The following PAK5 variants were observed in gnomAD, a reference collection of about 807,000 sequenced individuals.
The protein encoded by PAK5 is serine/threonine-protein kinase PAK 5.
Under a neutral mutation model 65.9 loss-of-function variants are expected in PAK5, and 16 were observed. That is an observed-to-expected ratio of 0.24 (90% CI 0.16 to 0.37). The LOEUF (loss-of-function observed/expected upper bound fraction) is 0.37. Among genes scored for constraint, PAK5 ranks in the 10% least tolerant of loss-of-function variants. The probability of loss-of-function intolerance (pLI) is 1.00; values close to 1 mark genes in which losing one functional copy is unlikely to be tolerated. For missense variants in PAK5, 785 were observed against 903.9 expected, an observed-to-expected ratio of 0.87 and a Z score of 1.69; for synonymous variants, 371 against 354.9, an observed-to-expected ratio of 1.05 and a Z score of -0.51.
At chr20:9,590,731 C>G (rs6039515) in intron 3 of PAK5, among the ~76,000 whole-genome samples, 72,385 of 152,028 alleles carry the variant, frequency 0.48, 20,567 homozygotes, top group African/African-American at 0.81. Flanking sequence ...GCAGTTCTGT[C>G]ACAGAGGAGG....
chr20:9,598,218 T>C (rs112914418), intron 3 of PAK5, among the ~76,000 whole-genome samples: 1 of 152,228 alleles, frequency 6.6e-6, no homozygotes, highest in African/African-American at 2.4e-5. Flanking sequence ...TGTTTCGTTT[T>C]GTGTTCCTGT....
At chr20:9,571,326 A>G (rs1017445028) in intron 4 of PAK5, among the ~76,000 whole-genome samples, 3 of 152,214 alleles carry the variant, frequency 2.0e-5, no homozygotes, top group Non-Finnish European at 4.4e-5. Context: ...TCACCAGCCC[A>G]CACACTTTCA....
At chr20:9,717,769 G>A (rs767009506) in intron 1 of PAK5, among the ~76,000 whole-genome samples, 27 of 152,112 alleles carry the variant, frequency 1.8e-4, no homozygotes, top group Non-Finnish European at 3.5e-4. Flanking sequence ...ACAGGTGCCC[G>A]CCACCATGAC....
intron 1 of PAK5, among the ~76,000 whole-genome samples, chr20:9,715,236 G>T (rs1426078199): frequency 1.3e-5 from 2 of 152,042 alleles, no homozygotes; most frequent in Non-Finnish European, 1.5e-5. Flanking sequence ...GTGGGCAAAG[G>T]ATATGAACAG....
intron 6 of PAK5, among the ~76,000 whole-genome samples, 174 bp from the exon 7 acceptor site, chr20:9,557,908 C>A (rs574992833): frequency 6.0e-4 from 91 of 152,122 alleles, no homozygotes; most frequent in Admixed American, 1.4e-3. Flanking sequence ...AGAAAAAAGG[C>A]TTGGCACTAA....
At position 9,715,223 on chromosome 20, in the gene PAK5, CA is replaced by C. The variant is rs1162551352; in HGVS notation, c.-161-3789del. ...AGAAAAAAACAAACAACCCCATCAACAAGTGGGCAAAGGATATGAACAGACA... is the reference window on the plus strand; with the variant it reads ...AGAAAAAAACAAACAACCCCATCAACAGTGGGCAAAGGATATGAACAGACA... On this transcript the variant is annotated intron_variant, in intron 1 of 9. Coordinates refer to ENST00000353224, the MANE Select transcript of PAK5 (RefSeq NM_177990.4). 6.2e-4 allele frequency among the ~76,000 whole-genome samples: 95 copies of C among 152,070 alleles called. 1 individual carries two copies. The highest frequency in any genetic ancestry group is 2.2e-3 in the African/African-American group (92 of 41,486).
intron 1 of PAK5, among the ~76,000 whole-genome samples, chr20:9,737,337 A>G (rs1413195226): frequency 1.3e-5 from 2 of 152,318 alleles, no homozygotes; most frequent in Admixed American, 6.5e-5. Flanking sequence ...TAACCAAAAG[A>G]AAGTTGGAAT....
chr20:9,586,154 C>A (rs1205859708), intron 3 of PAK5, among the ~76,000 whole-genome samples: 1 of 151,984 alleles, frequency 6.6e-6, no homozygotes, highest in African/African-American at 2.4e-5. Flanking sequence ...GAATTTATGT[C>A]CAAAAAACCT....
chr20:9,714,696 G>T (rs1164299132), intron 1 of PAK5, among the ~76,000 whole-genome samples: 1 of 152,060 alleles, frequency 6.6e-6, no homozygotes, highest in Admixed American at 6.6e-5. Flanking sequence ...TACCAAAACA[G>T]ATATAGACCA....
chr20:9,669,905 A>C (rs973520492), intron 2 of PAK5, among the ~76,000 whole-genome samples: 4 of 151,058 alleles, frequency 2.6e-5, no homozygotes, highest in Non-Finnish European at 4.4e-5. Flanking sequence ...TATATCTCCT[A>C]ATGCTATCCC....
intron 1 of PAK5, among the ~76,000 whole-genome samples, chr20:9,836,009 A>G (rs890452882): frequency 2.6e-5 from 4 of 152,206 alleles, no homozygotes; most frequent in Non-Finnish European, 4.4e-5. Flanking sequence ...GATACTCTAG[A>G]AGATCCAGGT....
Position 9,584,691 on chromosome 20 carries a change from AC to A in PAK5, c.205-3762del, listed in dbSNP as rs1229949492. ...GTTCTGCTTCCTTCTATGGATTTAA[AC>A]TTCTGGCCTCCTTTCCTATTCAATA... On this transcript the variant is annotated intron_variant, in intron 3 of 9. Coordinates refer to ENST00000353224, the MANE Select transcript of PAK5 (RefSeq NM_177990.4). 4.5e-4 allele frequency among the ~76,000 whole-genome samples: 68 copies of A among 152,270 alleles called. No homozygotes were observed. The Middle Eastern group carries it at 0.01, about 23-fold the overall frequency.
intron 1 of PAK5, among the ~76,000 whole-genome samples, chr20:9,712,216 T>TA (rs1440011003): frequency 6.6e-6 from 1 of 152,162 alleles, no homozygotes; most frequent in Admixed American, 6.5e-5. Flanking sequence ...TCTGTAAATA[T>TA]AAAATCACAA....
chr20:9,765,623 G>A (rs6056848), intron 1 of PAK5, among the ~76,000 whole-genome samples: 9,460 of 152,126 alleles, frequency 0.062, 969 homozygotes, highest in African/African-American at 0.22. Context: ...AGAAACTGCA[G>A]ATGCTGCAAA....
At chr20:9,834,782 GTAT>G (rs1979011439) in intron 1 of PAK5, among the ~76,000 whole-genome samples, 1 of 151,992 alleles carries the variant, frequency 6.6e-6, no homozygotes, top group African/African-American at 2.4e-5. Context: ...ATAATTAAAT[GTAT>G]TATTTATTTA....
At chr20:9,660,694 G>C (rs965394174) in intron 2 of PAK5, among the ~76,000 whole-genome samples, 1 of 152,086 alleles carries the variant, frequency 6.6e-6, no homozygotes, top group Non-Finnish European at 1.5e-5. Flanking sequence ...AGTTAGAAAG[G>C]ATACCGTTCA....
chr20:9,657,396 A>G (rs1366038234), intron 2 of PAK5, among the ~76,000 whole-genome samples: 2 of 152,204 alleles, frequency 1.3e-5, no homozygotes, highest in East Asian at 3.9e-4. Flanking sequence ...CCACTCACTC[A>G]TTGAGGGATA....
intron 4 of PAK5, among the ~76,000 whole-genome samples, chr20:9,574,040 T>C (rs1467260673): frequency 3.3e-5 from 5 of 152,122 alleles, no homozygotes; most frequent in African/African-American, 1.2e-4. Flanking sequence ...TGTCCTCACT[T>C]GACTCAAAGG....
At chr20:9,821,678 A>G (rs900475042) in intron 1 of PAK5, among the ~76,000 whole-genome samples, 2 of 152,156 alleles carry the variant, frequency 1.3e-5, no homozygotes, top group African/African-American at 4.8e-5. Flanking sequence ...CTTTTTCCTG[A>G]TCAAATACAC....
Sources: allele counts gnomAD v4.1 joint callset (sites outside exome capture counted in the v4.1 genomes callset), GRCh38; gene constraint gnomAD v4.1.1; transcripts MANE v1.5; gene names NCBI Gene and HGNC (gene_info 2026-07-23, HGNC 2026-07-21).